Variants in SLC25A40 observed in about 807,000 individuals in gnomAD.
SLC25A40 encodes solute carrier family 25 member 40, also known as mitochondrial glutathione transporter SLC25A40.
A neutral mutation model predicts 46.5 loss-of-function variants in SLC25A40; 41 were observed. The ratio of observed to expected loss-of-function variants is 0.88; its 90% CI spans 0.69 to 1.14. The LOEUF (loss-of-function observed/expected upper bound fraction) is 1.14, where lower values mean the gene tolerates loss of function less well. Ranked by LOEUF, SLC25A40 falls within the 50% of genes most tolerant of loss-of-function variation. SLC25A40 has a pLI of 0.00. For missense variants in SLC25A40, 386 were observed against 393.6 expected (o/e 0.98, Z 0.16); for synonymous variants, 126 against 127.5 (o/e 0.99, Z 0.08).
rs1562740278 is a variant in SLC25A40 at position 87,836,226 on chromosome 7, T to C, written c.*23A>G. 6.9e-7 allele frequency: 1 copy of C among 1,439,508 alleles called. No individual in the cohort carries two copies. The highest frequency in any genetic ancestry group is 9.6e-7 in the Non-Finnish European group (1 of 1,043,666). The allele number at this position is 1,439,508 out of a possible 1,614,324, so 89.2% of individuals were successfully genotyped here. On this transcript the variant is annotated 3_prime_UTR_variant, in exon 12 of 12. Transcript: ENST00000341119. ...CTCCATCTTCTTTGGCTATAGTTGT[T>C]GTTTCAAGTTGAAACAGCATCACTA...
chr7:87,867,701 T>C (rs2131021859), intron 1 of SLC25A40, among the ~76,000 whole-genome samples: 1 of 152,320 alleles, frequency 6.6e-6, no homozygotes, highest in South Asian at 2.1e-4. Flanking sequence ...GTCTTTTTGG[T>C]CTGGATTGTT....
chr7:87,872,736 C>T (rs993769337), intron 1 of SLC25A40, among the ~76,000 whole-genome samples: 3 of 152,144 alleles, frequency 2.0e-5, no homozygotes, highest in Admixed American at 2.0e-4. Flanking sequence ...TCGAGGCTGG[C>T]GGATCATCTG....
intron 10 of SLC25A40, among the ~76,000 whole-genome samples, chr7:87,838,497 ACACTTT>A (rs1347967985): frequency 6.6e-6 from 1 of 151,574 alleles, no homozygotes; most frequent in African/African-American, 2.4e-5. Flanking sequence ...TTGTAAAGAA[ACACTTT>A]TATTATTAAA....
intron 10 of SLC25A40, 128 bp from the exon 11 acceptor site, chr7:87,836,938 C>A: frequency 2.2e-6 from 1 of 464,990 alleles, no homozygotes; most frequent in Non-Finnish European, 3.7e-6. Context: ...GTTTGTTTAC[C>A]TAAAAAGCTA....
chr7:87,854,920 T>C (rs904098598), intron 4 of SLC25A40, among the ~76,000 whole-genome samples: 2 of 151,924 alleles, frequency 1.3e-5, no homozygotes, highest in African/African-American at 4.8e-5. Context: ...CCCAGCACTT[T>C]GGGAGGCCAA....
intron 7 of SLC25A40, among the ~76,000 whole-genome samples, chr7:87,847,606 C>T (rs1036680264): frequency 6.6e-6 from 1 of 152,172 alleles, no homozygotes; most frequent in African/African-American, 2.4e-5. Context: ...AGAACCAACT[C>T]TGATGTCACT....
chr7:87,865,735 G>A (rs1348733749), intron 1 of SLC25A40, among the ~76,000 whole-genome samples: 1 of 151,954 alleles, frequency 6.6e-6, no homozygotes, highest in East Asian at 1.9e-4. Context: ...TCACACCACT[G>A]CACTCTAGTT....
At position 87,854,295 on chromosome 7, in the gene SLC25A40, T is replaced by C; in HGVS notation, c.173A>G (p.Tyr58Cys). 1.2e-6 allele frequency: 2 copies of C among 1,603,646 alleles called. No individual in the cohort carries two copies. Among genetic ancestry groups the C allele is most frequent in the Non-Finnish European group, 1.7e-6 (2 of 1,174,454 alleles). ...NPLPKGKCFV[Y>C]SNGLMDHLCV... ...TAGATGATCCATGAGTCCATTACTATATACAAAACATTTTCCTAACAAAGA... is the reference window on the plus strand; with the variant it reads ...TAGATGATCCATGAGTCCATTACTACATACAAAACATTTTCCTAACAAAGA... The change falls in exon 5 of 12, where the codon TAT (tyrosine) becomes TGT (cysteine). Residue 58 changes from tyrosine (Y) to cysteine (C), a missense_variant. Coordinates refer to ENST00000341119, the MANE Select transcript of SLC25A40 (RefSeq NM_018843.4).
chr7:87,861,363 A>G (rs2131015407), intron 1 of SLC25A40, among the ~76,000 whole-genome samples: 1 of 152,314 alleles, frequency 6.6e-6, no homozygotes, highest in Non-Finnish European at 1.5e-5. Context: ...TATTAATTGG[A>G]TATTAGATAA....
At chr7:87,865,947 G>C (rs966118572) in intron 1 of SLC25A40, among the ~76,000 whole-genome samples, 7 of 152,098 alleles carry the variant, frequency 4.6e-5, no homozygotes, top group African/African-American at 1.7e-4. Flanking sequence ...GCCAGGTGTG[G>C]TGGCACACAC....
intron 6 of SLC25A40, among the ~76,000 whole-genome samples, chr7:87,849,580 C>T (rs906006834): frequency 6.6e-6 from 1 of 152,196 alleles, no homozygotes; most frequent in Non-Finnish European, 1.5e-5. Context: ...TGTGCAATGC[C>T]ATAAGGGAGG....
At chr7:87,870,699 T>C (rs568593544) in intron 1 of SLC25A40, among the ~76,000 whole-genome samples, 2 of 152,302 alleles carry the variant, frequency 1.3e-5, no homozygotes, top group African/African-American at 4.8e-5. Context: ...GAGTGATGGC[T>C]TGATGGTGTA....
intron 1 of SLC25A40, among the ~76,000 whole-genome samples, chr7:87,872,178 T>C (rs1838905491): frequency 6.6e-6 from 1 of 152,236 alleles, no homozygotes; most frequent in African/African-American, 2.4e-5. Flanking sequence ...TTCTTACTTT[T>C]GTGGGTTTGA....
In SLC25A40 at chr7:87,858,528, T is replaced by C. The variant is rs151300706; in HGVS notation, c.97+103A>G. The C allele has an allele frequency of 5.2e-4, 362 of 698,962 alleles. 2 individuals carry two copies. In the African/African-American group the frequency reaches 5.8e-3, roughly 11 times the overall value. The allele number at this position is 698,962 out of a possible 1,614,324, so 43.3% of individuals were successfully genotyped here. Reference sequence around the variant, plus strand: ...TTATTTCTCAGCCAGCCAATACTTATGGAAAATAGAAAGAAACTACGTTGA... The same window carrying C: ...TTATTTCTCAGCCAGCCAATACTTACGGAAAATAGAAAGAAACTACGTTGA... On this transcript the variant is annotated intron_variant, in intron 3 of 11. Coordinates refer to ENST00000341119, the MANE Select transcript of SLC25A40 (RefSeq NM_018843.4).
In SLC25A40 at chr7:87,835,334, T is replaced by G. The variant is rs1314326065; in HGVS notation, c.*915A>C. ...CAAAGGATATTTTAGAAATATCTTG[T>G]AACTATTGTTGTAGCAATAATCTGT... is the stretch of plus-strand genomic sequence containing the variant. On this transcript the variant is annotated 3_prime_UTR_variant, in exon 12 of 12. Transcript: ENST00000341119. 4.0e-5 allele frequency: 6 copies of G among 151,690 alleles called. No individual in the cohort carries two copies. The Admixed American group carries it at 4.0e-4, about 10-fold the overall frequency. The allele number at this position is 151,690 out of a possible 1,614,324, so 9.4% of individuals were successfully genotyped here.
intron 1 of SLC25A40, among the ~76,000 whole-genome samples, chr7:87,865,146 G>C (rs1041233432): frequency 2.0e-5 from 3 of 151,704 alleles, no homozygotes; most frequent in Non-Finnish European, 4.4e-5. Flanking sequence ...CTGGTCTAAC[G>C]CATTGCTTGT....
chr7:87,867,909 A>G (rs367675156), intron 1 of SLC25A40, among the ~76,000 whole-genome samples: 17 of 152,210 alleles, frequency 1.1e-4, no homozygotes, highest in East Asian at 9.6e-4. Flanking sequence ...GCAGTGTGAG[A>G]AGGATGGTTA....
intron 1 of SLC25A40, among the ~76,000 whole-genome samples, chr7:87,863,183 T>TA (rs1284022973): frequency 6.6e-6 from 1 of 152,164 alleles, no homozygotes; most frequent in Admixed American, 6.5e-5. Flanking sequence ...TTCCATTTTT[T>TA]AAAAAAATAC....
At position 87,868,536 on chromosome 7, in the gene SLC25A40, G is replaced by A. The variant is rs149785505; in HGVS notation, c.-94+7560C>T. The stretch of plus-strand genomic sequence containing the variant: ...CCAGAACTTCTTACTAATCAGATTC[G>A]AGTTGGGGTTCCCACAACTCCCTCT... On this transcript the variant is annotated intron_variant, in intron 1 of 11. Transcript: ENST00000341119. Among the ~76,000 whole-genome samples, 781 of 152,222 alleles carry A rather than the reference G, an allele frequency of 5.1e-3. 9 individuals carry two copies. The highest frequency in any genetic ancestry group is 0.018 in the African/African-American group (730 of 41,514).
Sources: allele counts gnomAD v4.1 joint callset (sites outside exome capture counted in the v4.1 genomes callset), GRCh38; gene constraint gnomAD v4.1.1; transcripts MANE v1.5; gene names NCBI Gene and HGNC (gene_info 2026-07-23, HGNC 2026-07-21).